The following RELN variants were observed in gnomAD, a reference collection of about 807,000 sequenced individuals.
RELN encodes reelin.
Under a neutral mutation model 427.6 loss-of-function variants are expected in RELN, and 108 were observed. That is an observed-to-expected ratio of 0.25 (90% CI 0.22 to 0.30). RELN has a LOEUF of 0.30. Ranked by LOEUF, RELN falls within the 10% of genes least tolerant of loss-of-function variation. The pLI is 1.00. For synonymous variants in RELN, 1,524 were observed against 1,513.4 expected (o/e 1.01, Z -0.16); for missense variants, 3,715 against 4,302.8 (o/e 0.86, Z 3.82).
At chr7:103,883,986 CAAA>C (rs1161576130) in intron 2 of RELN, among the ~76,000 whole-genome samples, 1 of 152,012 alleles carries the variant, frequency 6.6e-6, no homozygotes, top group Non-Finnish European at 1.5e-5. Flanking sequence ...CAATCCTAAG[CAAA>C]AAGAGCAATG....
chr7:103,613,153 T>C (rs1429822133), intron 20 of RELN, among the ~76,000 whole-genome samples: 1 of 152,218 alleles, frequency 6.6e-6, no homozygotes, highest in Admixed American at 6.5e-5. Context: ...TTATTTCTTT[T>C]TAACAGATGA....
At chr7:103,903,737 T>C (rs565565523) in intron 2 of RELN, among the ~76,000 whole-genome samples, 1 of 152,262 alleles carries the variant, frequency 6.6e-6, no homozygotes, top group East Asian at 1.9e-4. Context: ...TCTGAGCATA[T>C]TCATTTGAAC....
chr7:103,906,903 G>A (rs1238377219), intron 2 of RELN, among the ~76,000 whole-genome samples: 1 of 152,118 alleles, frequency 6.6e-6, no homozygotes, highest in African/African-American at 2.4e-5. Flanking sequence ...AGCCACGGAT[G>A]AATATCTAAG....
At position 103,989,631 on chromosome 7, in the gene RELN, C is replaced by A; in HGVS notation, c.-275G>T. The A allele has an allele frequency of 2.9e-6, 1 of 344,868 alleles. No individual in the cohort carries two copies. Among genetic ancestry groups the A allele is most frequent in the South Asian group, 1.1e-4 (1 of 8,742 alleles). 21.4% of individuals were successfully genotyped at this position (344,868 alleles called of 1,614,324 possible). On this transcript the variant is annotated 5_prime_UTR_variant, in exon 1 of 65. Coordinates refer to ENST00000428762, the MANE Select transcript of RELN (RefSeq NM_005045.4). This position sits in a 1 kb window ranked among gnomAD's most constrained non-coding sequence, Gnocchi z 4.9. ...CCGCCTCCGTGCGCCGCCGCCGCCT[C>A]TGCGCGACGCCCCTCGGCCAGGCCT...
rs558205212 is a variant in RELN, at chr7:103,511,096, A to G, written c.8120-91T>C. Reference sequence around the variant, plus strand: ...TTTAAGCAAGACATAGAATTATTTTAAGTAGAAACTGCTCATATTATATAC... The same window carrying G: ...TTTAAGCAAGACATAGAATTATTTTGAGTAGAAACTGCTCATATTATATAC... On this transcript the variant is annotated intron_variant, in intron 50 of 64. Transcript: ENST00000428762. The G allele has an allele frequency of 5.5e-5, 47 of 850,504 alleles. 1 individual carries two copies. In the South Asian group the frequency reaches 6.6e-4, roughly 12 times the overall value. 52.7% of individuals were successfully genotyped at this position (850,504 alleles called of 1,614,324 possible). A position where few individuals can be genotyped will look rare whatever the true frequency, so the allele number is the denominator to read the frequency against.
chr7:103,509,801 G>GA (rs113448600), intron 51 of RELN, among the ~76,000 whole-genome samples: 24,283 of 148,292 alleles, frequency 0.16, 2,071 homozygotes, highest in East Asian at 0.29. Flanking sequence ...AAATTTACAA[G>GA]AAAAAAAAAA....
intron 1 of RELN, among the ~76,000 whole-genome samples, chr7:103,986,056 A>G (rs941427659): frequency 1.3e-5 from 2 of 152,218 alleles, no homozygotes; most frequent in African/African-American, 4.8e-5. Context: ...TGCAAAAAAA[A>G]AGGAAATTCT....
chr7:103,938,672 A>T (rs1053965836), intron 1 of RELN, among the ~76,000 whole-genome samples: 1 of 152,190 alleles, frequency 6.6e-6, no homozygotes, highest in Admixed American at 6.5e-5. Flanking sequence ...TATTTTTCAG[A>T]TACAGGAATC....
intron 2 of RELN, among the ~76,000 whole-genome samples, chr7:103,837,934 G>A (rs983058150): frequency 3.9e-5 from 6 of 152,120 alleles, no homozygotes; most frequent in East Asian, 1.9e-4. Flanking sequence ...AGGGCCAGGC[G>A]TGGTGGCTCA....
intron 3 of RELN, among the ~76,000 whole-genome samples, chr7:103,784,519 C>G (rs949171704): frequency 6.6e-6 from 1 of 152,168 alleles, no homozygotes; most frequent in Middle Eastern, 3.4e-3. Flanking sequence ...TAAAATGGCT[C>G]TATTTGGGTT....
intron 6 of RELN, among the ~76,000 whole-genome samples, chr7:103,731,768 C>G (rs1790361146): frequency 1.3e-5 from 2 of 152,104 alleles, no homozygotes; most frequent in Middle Eastern, 6.8e-3. Context: ...TTCCACTGCT[C>G]TATAAAAACC....
At chr7:103,682,386 A>C (rs1285576967) in intron 10 of RELN, 125 bp from the exon 11 acceptor site, 9 of 962,928 alleles carry the variant, frequency 9.3e-6, no homozygotes, top group Non-Finnish European at 1.5e-5. Context: ...TGGACTCTCA[A>C]ATCAAAAGAG....
At chr7:103,630,850 TG>T (rs67043083) in intron 19 of RELN, among the ~76,000 whole-genome samples, 8,529 of 40,638 alleles carry the variant, frequency 0.21, 770 homozygotes, top group African/African-American at 0.46. Context: ...GTTATTTTTT[TG>T]TTTTTTTTGT....
chr7:103,519,215 C>T (rs1829643049), intron 49 of RELN, 108 bp downstream of exon 49: 6 of 837,616 alleles, frequency 7.2e-6, no homozygotes, highest in Admixed American at 1.8e-5. Context: ...TCAGAGGCAT[C>T]CTCTAGTGAG....
At chr7:103,870,014 C>T (rs1359314198) in intron 2 of RELN, among the ~76,000 whole-genome samples, 1 of 152,094 alleles carries the variant, frequency 6.6e-6, no homozygotes, top group African/African-American at 2.4e-5. Flanking sequence ...TCCTCATGTG[C>T]TTTTAAGATC....
At chr7:103,574,051 T>C in intron 30 of RELN, 41 bp downstream of exon 30, 1 of 1,456,116 alleles carries the variant, frequency 6.9e-7, no homozygotes, top group Non-Finnish European at 9.7e-7. Context: ...GTGTGGTAAA[T>C]AATATGTTTG....
intron 1 of RELN, among the ~76,000 whole-genome samples, chr7:103,981,619 G>C (rs1038770358): frequency 6.6e-6 from 1 of 152,184 alleles, no homozygotes; most frequent in African/African-American, 2.4e-5. Context: ...ACAAGTAACA[G>C]AAACAACTTA....
intron 27 of RELN, among the ~76,000 whole-genome samples, chr7:103,591,753 C>G (rs1831421784): frequency 6.6e-6 from 1 of 152,120 alleles, no homozygotes. Context: ...ACTTGAAGTT[C>G]TGTGACAAGT....
chr7:103,979,144 T>G (rs1796939313), intron 1 of RELN, among the ~76,000 whole-genome samples: 1 of 152,228 alleles, frequency 6.6e-6, no homozygotes, highest in East Asian at 1.9e-4. Flanking sequence ...AGAACCTCTG[T>G]AGGTTCTGAA....
Sources: gnomAD v4.1 joint callset for allele counts (sites outside exome capture counted in the v4.1 genomes callset) on GRCh38, gnomAD v4.1.1 for gene constraint, Gnocchi (gnomAD v3.1) non-coding constraint, MANE v1.5 for transcripts, NCBI Gene and HGNC (gene_info 2026-07-23, HGNC 2026-07-21) for gene names.